The following WWOX variants were observed in gnomAD, a reference collection of about 807,000 sequenced individuals.
The protein encoded by WWOX is WW domain-containing oxidoreductase.
WWOX carries 69 observed loss-of-function variants against 46.2 expected under a neutral mutation model. The observed-to-expected ratio is 1.49, with a 90% CI of 1.23 to 1.82. The LOEUF is 1.82. WWOX is among the 40% of genes most tolerant of loss of function. WWOX has a pLI of 0.00. For missense variants in WWOX, 919 were observed against 542.6 expected, an observed-to-expected ratio of 1.69 and a Z score of -6.89; for synonymous variants, 359 against 202.6, an observed-to-expected ratio of 1.77 and a Z score of -6.56.
chr16:78,658,388 A>G lies in WWOX; in HGVS notation c.1056+225636A>G, dbSNP rs2047129367. Among the ~76,000 whole-genome samples, 4 of 152,300 alleles carry G rather than the reference A, an allele frequency of 2.6e-5. No homozygotes were observed. The South Asian group carries it at 8.3e-4, about 32-fold the overall frequency. ...CACTTGCCATGTAGTCACTAATTTA[A>G]TCCTCACAAGAATTCTGTAATGTAG... is the stretch of plus-strand genomic sequence containing the variant. On this transcript the variant is annotated intron_variant, in intron 8 of 8. Transcript: ENST00000566780.
chr16:78,819,434 C>T (rs1261398904), intron 8 of WWOX, among the ~76,000 whole-genome samples: 1 of 152,232 alleles, frequency 6.6e-6, no homozygotes, highest in African/African-American at 2.4e-5. Flanking sequence ...CTGCCCCTTT[C>T]CATGACAATG....
chr16:78,353,566 T>C (rs951821591), intron 5 of WWOX, among the ~76,000 whole-genome samples: 6 of 152,250 alleles, frequency 3.9e-5, no homozygotes, highest in Non-Finnish European at 7.3e-5. Context: ...AATCCTTAGC[T>C]ATATTCTTGG....
At position 78,340,017 on chromosome 16, in the gene WWOX, T is replaced by TCGGGGG. The variant is rs796485170; in HGVS notation, c.517-46843_517-46842insCGGGGG. Among the ~76,000 whole-genome samples the TCGGGGG allele has an allele frequency of 4.4e-4, 3 of 6,796 alleles. 1 individual carries two copies. Among genetic ancestry groups the TCGGGGG allele is most frequent in the African/African-American group, 1.2e-3 (3 of 2,544 alleles). The allele number at this position is 6,796 out of a possible 152,430, so 4.5% of individuals were successfully genotyped here. On this transcript the variant is annotated intron_variant, in intron 5 of 8. Transcript: ENST00000566780. ...TCTTCTAGTCTTTCCATGGATTTGG[T>TCGGGGG]GGGGGGGGGGGGGACGTTTCTATTT... is the stretch of plus-strand genomic sequence containing the variant.
At chr16:78,383,805 A>G (rs1307007528) in intron 5 of WWOX, among the ~76,000 whole-genome samples, 1 of 152,208 alleles carries the variant, frequency 6.6e-6, no homozygotes, top group East Asian at 1.9e-4. Flanking sequence ...AATTGCCTGA[A>G]TAACAGTGTG....
chr16:78,310,074 T>G lies in WWOX; in HGVS notation c.517-76786T>G, dbSNP rs903725301. 2.6e-5 allele frequency among the ~76,000 whole-genome samples: 4 copies of G among 152,008 alleles called. No individual in the cohort carries two copies. The South Asian group carries it at 8.3e-4, about 32-fold the overall frequency. On this transcript the variant is annotated intron_variant, in intron 5 of 8. Transcript: ENST00000566780. ...TCCTCCTTCCCCCTCCTTCCCCCTCTCTTTTTCCTTTTCTTTCTATCATCA... is the reference window on the plus strand; with the variant it reads ...TCCTCCTTCCCCCTCCTTCCCCCTCGCTTTTTCCTTTTCTTTCTATCATCA...
intron 8 of WWOX, among the ~76,000 whole-genome samples, chr16:78,870,135 C>G (rs1351878756): frequency 6.6e-6 from 1 of 152,152 alleles, no homozygotes; most frequent in Non-Finnish European, 1.5e-5. Flanking sequence ...TGACTCAATC[C>G]TCAAACAGGA....
intron 8 of WWOX, among the ~76,000 whole-genome samples, chr16:78,875,311 C>G (rs1385760138): frequency 6.6e-6 from 1 of 152,186 alleles, no homozygotes; most frequent in Non-Finnish European, 1.5e-5. Context: ...GTGTGCTGAT[C>G]TCAGTGGCAG....
intron 5 of WWOX, among the ~76,000 whole-genome samples, chr16:78,199,813 C>G (rs1418018251): frequency 6.6e-6 from 1 of 152,138 alleles, no homozygotes; most frequent in Non-Finnish European, 1.5e-5. Context: ...TTGTCAGAAT[C>G]CAGCAGCTGA....
chr16:78,626,858 A>T (rs1373681945), intron 8 of WWOX, among the ~76,000 whole-genome samples: 1 of 152,140 alleles, frequency 6.6e-6, no homozygotes, highest in Non-Finnish European at 1.5e-5. Context: ...TTATGTTATA[A>T]TCCTATACTA....
chr16:79,145,910 T>C (rs1022665288), intron 8 of WWOX, among the ~76,000 whole-genome samples: 1 of 152,190 alleles, frequency 6.6e-6, no homozygotes, highest in Non-Finnish European at 1.5e-5. Context: ...TAAAATTATA[T>C]AATTTATTGA....
chr16:78,392,563 C>A lies in WWOX; in HGVS notation c.605+5615C>A, dbSNP rs527379652. On this transcript the variant is annotated intron_variant, in intron 6 of 8. Coordinates refer to ENST00000566780, the MANE Select transcript of WWOX (RefSeq NM_016373.4). ...GGAAAAATTGTCTTCCAGAAAACCA[C>A]TTGCTGGTGCCAAAAAAATTTGGAA... Among the ~76,000 whole-genome samples, 15 of 152,258 alleles carry A rather than the reference C, an allele frequency of 9.9e-5. No homozygotes were observed. The South Asian group carries it at 3.1e-3, about 32-fold the overall frequency.
At chr16:78,922,918 G>T (rs928810646) in intron 8 of WWOX, among the ~76,000 whole-genome samples, 6 of 151,570 alleles carry the variant, frequency 4.0e-5, no homozygotes, top group Non-Finnish European at 7.4e-5. Flanking sequence ...ATTTTTATTT[G>T]CCTAGAAATC....
At chr16:78,447,423 G>C (rs1238419513) in intron 8 of WWOX, among the ~76,000 whole-genome samples, 1 of 152,200 alleles carries the variant, frequency 6.6e-6, no homozygotes, top group Admixed American at 6.5e-5. Flanking sequence ...TACAGACAAG[G>C]ACACTGAAGT....
chr16:78,357,722 C>A (rs2081327928), intron 5 of WWOX, among the ~76,000 whole-genome samples: 1 of 152,200 alleles, frequency 6.6e-6, no homozygotes, highest in South Asian at 2.1e-4. Flanking sequence ...ATGCCAGGCA[C>A]AGTGCTGGGT....
At chr16:79,050,865 G>C (rs1385379990) in intron 8 of WWOX, among the ~76,000 whole-genome samples, 1 of 152,180 alleles carries the variant, frequency 6.6e-6, no homozygotes, top group East Asian at 1.9e-4. Context: ...AGCTTTACCA[G>C]GTGAGCTGAC....
At chr16:79,158,609 T>G (rs2050426997) in intron 8 of WWOX, among the ~76,000 whole-genome samples, 1 of 152,240 alleles carries the variant, frequency 6.6e-6, no homozygotes, top group East Asian at 1.9e-4. Flanking sequence ...ACCAAGTTCC[T>G]GCATTCCCGC....
chr16:78,908,509 C>T (rs1361492894), intron 8 of WWOX, among the ~76,000 whole-genome samples: 3 of 148,528 alleles, frequency 2.0e-5, no homozygotes, highest in South Asian at 2.2e-4. Flanking sequence ...CACTGCACTC[C>T]AGCCTGGGCG....
At chr16:78,359,276 TTTTCAGTTTTAAA>T (rs2081360407) in intron 5 of WWOX, among the ~76,000 whole-genome samples, 1 of 152,208 alleles carries the variant, frequency 6.6e-6, no homozygotes, top group Non-Finnish European at 1.5e-5. Context: ...TCCAATATTC[TTTTCAGTTTTAAA>T]TAAGTTTTGA....
intron 5 of WWOX, among the ~76,000 whole-genome samples, chr16:78,306,584 C>A (rs186728632): frequency 1.3e-5 from 2 of 152,264 alleles, no homozygotes; most frequent in East Asian, 3.9e-4. Flanking sequence ...ATATTTCTTA[C>A]TCCAGATCAA....
Sources: gnomAD v4.1 joint callset for allele counts (sites outside exome capture counted in the v4.1 genomes callset) on GRCh38, gnomAD v4.1.1 for gene constraint, MANE v1.5 for transcripts, NCBI Gene and HGNC (gene_info 2026-07-23, HGNC 2026-07-21) for gene names.